Variants in BRD10 observed in about 807,000 individuals in gnomAD.
BRD10 encodes bromodomain containing 10, also known as uncharacterized bromodomain-containing protein 10.
the BRD10 span, chr9:5,908,683 A>C: frequency 6.2e-7 from 1 of 1,614,150 alleles, no homozygotes; most frequent in Non-Finnish European, 8.5e-7. Context: ...TCTGCAGAAC[A>C]GTCACCACCA....
At chr9:5,925,844 G>A in the BRD10 span, among the ~76,000 whole-genome samples, 2 of 152,172 alleles carry the variant, frequency 1.3e-5, no homozygotes, top group Admixed American at 6.5e-5. Context: ...TCAACTAAGT[G>A]TTCTACCTTA....
chr9:5,940,259 T>A, the BRD10 span, among the ~76,000 whole-genome samples: 1 of 152,166 alleles, frequency 6.6e-6, no homozygotes, highest in African/African-American at 2.4e-5. Flanking sequence ...AGTGGTGCGA[T>A]CTTGGCTCAC....
chr9:5,958,502 G>A, the BRD10 span, among the ~76,000 whole-genome samples: 1 of 152,028 alleles, frequency 6.6e-6, no homozygotes, highest in Non-Finnish European at 1.5e-5. Context: ...AAGTGTGGTG[G>A]TGCATGCCTG....
At chr9:5,965,334 G>A in the BRD10 span, among the ~76,000 whole-genome samples, 2 of 151,648 alleles carry the variant, frequency 1.3e-5, no homozygotes, top group African/African-American at 4.8e-5. Flanking sequence ...AAAACACTAC[G>A]TTAAACAAAA....
At chr9:5,922,111 C>G in the BRD10 span, 1 of 1,613,936 alleles carries the variant, frequency 6.2e-7, no homozygotes, top group Non-Finnish European at 8.5e-7. Context: ...CTGGGTTGGT[C>G]TGTACTTTTA....
At chr9:6,004,411 G>C in the BRD10 span, among the ~76,000 whole-genome samples, 2 of 152,170 alleles carry the variant, frequency 1.3e-5, no homozygotes, top group African/African-American at 2.4e-5. Context: ...TCATTATACA[G>C]ATAAGGAAAC....
chr9:5,940,548 T>C, the BRD10 span, among the ~76,000 whole-genome samples: 1 of 152,220 alleles, frequency 6.6e-6, no homozygotes, highest in Non-Finnish European at 1.5e-5. Context: ...ATTGTAAAAA[T>C]GATCTACCAA....
At chr9:5,913,519 G>GA in the BRD10 span, among the ~76,000 whole-genome samples, 1 of 152,152 alleles carries the variant, frequency 6.6e-6, no homozygotes, top group Admixed American at 6.5e-5. Flanking sequence ...AAGAAGCTGT[G>GA]AAATGGAATA....
chr9:5,924,932 A>G, the BRD10 span: 1 of 960,066 alleles, frequency 1.0e-6, no homozygotes, highest in Non-Finnish European at 1.4e-6. Context: ...TAAACTACAT[A>G]TGGAAATATT....
the BRD10 span, among the ~76,000 whole-genome samples, chr9:5,889,812 T>A: frequency 6.6e-6 from 1 of 152,118 alleles, no homozygotes; most frequent in South Asian, 2.1e-4. Flanking sequence ...TTGAGCCTAG[T>A]TATAATGATT....
the BRD10 span, chr9:5,968,266 G>T: frequency 6.2e-7 from 1 of 1,612,304 alleles, no homozygotes; most frequent in Non-Finnish European, 8.5e-7. Context: ...CTTTGTGGCA[G>T]TTAATTTCTG....
chr9:5,925,370 A>G, the BRD10 span, among the ~76,000 whole-genome samples: 2 of 151,400 alleles, frequency 1.3e-5, no homozygotes, highest in Non-Finnish European at 1.5e-5. Context: ...AAAAAAAAAA[A>G]AAAGAAAGAA....
At chr9:5,967,467 A>G in the BRD10 span, among the ~76,000 whole-genome samples, 1 of 152,134 alleles carries the variant, frequency 6.6e-6, no homozygotes, top group Non-Finnish European at 1.5e-5. Context: ...AATATGCTTC[A>G]TGTCTTATTA....
the BRD10 span, among the ~76,000 whole-genome samples, chr9:5,912,227 C>G: frequency 6.6e-6 from 1 of 152,228 alleles, no homozygotes; most frequent in Admixed American, 6.5e-5. Context: ...TGATTTTGTA[C>G]CCTGCAACTT....
chr9:5,950,799 G>A, the BRD10 span, among the ~76,000 whole-genome samples: 1 of 151,988 alleles, frequency 6.6e-6, no homozygotes, highest in Non-Finnish European at 1.5e-5. Context: ...TTGATATAAA[G>A]TGGTATAGTA....
chr9:5,909,020 G>A, the BRD10 span: 3 of 328,720 alleles, frequency 9.1e-6, no homozygotes, highest in East Asian at 6.8e-5. Context: ...GGTATTCTGG[G>A]GCCATCCAAT....
chr9:5,944,922 G>T, the BRD10 span: 1 of 1,544,042 alleles, frequency 6.5e-7, no homozygotes, highest in East Asian at 2.4e-5. Flanking sequence ...CGATTTTTGT[G>T]ATTAATTCCC....
the BRD10 span, among the ~76,000 whole-genome samples, chr9:5,939,974 T>A: frequency 6.6e-6 from 1 of 152,210 alleles, no homozygotes; most frequent in East Asian, 1.9e-4. Context: ...GGAGTTAGCA[T>A]CTCTGATCTA....
chr9:5,964,328 G>A, the BRD10 span, among the ~76,000 whole-genome samples: 1 of 151,714 alleles, frequency 6.6e-6, no homozygotes, highest in Admixed American at 6.6e-5. Context: ...CTGGCCATCA[G>A]AGAAATGCAA....
Sources: gnomAD v4.1 joint callset for allele counts (sites outside exome capture counted in the v4.1 genomes callset) on GRCh38, gnomAD v4.1.1 for gene constraint, MANE v1.5 for transcripts, NCBI Gene and HGNC (gene_info 2026-07-23, HGNC 2026-07-21) for gene names.